Variants in MAJIN observed in about 807,000 individuals in gnomAD.
MAJIN encodes the protein membrane-anchored junction protein.
A neutral mutation model predicts 30.2 loss-of-function variants in MAJIN; 27 were observed. The observed-to-expected ratio is 0.89, with a 90% CI of 0.66 to 1.23. The LOEUF (loss-of-function observed/expected upper bound fraction) is 1.23, where lower values mean the gene tolerates loss of function less well. Among genes scored for constraint, MAJIN ranks in the 50% most tolerant of loss-of-function variants. MAJIN has a pLI of 0.00. For synonymous variants in MAJIN, 78 were observed against 91.6 expected, an observed-to-expected ratio of 0.85 and a Z score of 0.85; for missense variants, 253 against 260.3, an observed-to-expected ratio of 0.97 and a Z score of 0.19.
intron 8 of MAJIN, chr11:64,946,004 C>G: frequency 7.6e-7 from 1 of 1,316,572 alleles, no homozygotes; most frequent in Non-Finnish European, 1.0e-6. Context: ...GTGCTGGTAA[C>G]CGGAATCCTG....
At chr11:64,954,529 C>T (rs1407485385) in intron 4 of MAJIN, 3 of 637,708 alleles carry the variant, frequency 4.7e-6, no homozygotes, top group Non-Finnish European at 8.6e-6. Flanking sequence ...AAACAAAAAG[C>T]TCTCAGCCTC....
chr11:64,950,610 C>T (rs1945537720), intron 4 of MAJIN, among the ~76,000 whole-genome samples, 180 bp from the exon 5 acceptor site: 1 of 151,948 alleles, frequency 6.6e-6, no homozygotes, highest in South Asian at 2.1e-4. Context: ...TTGAGAGAGT[C>T]GTGCTTTGTG....
chr11:64,948,642 T>C (rs1470376790), intron 6 of MAJIN, among the ~76,000 whole-genome samples: 17 of 16,288 alleles, frequency 1.0e-3, no homozygotes, highest in African/African-American at 4.6e-3. Flanking sequence ...TATATATATT[T>C]TTTTTTTTTT....
chr11:64,949,893 G>A (rs772725014), intron 5 of MAJIN, 25 bp from the exon 6 acceptor site: 3 of 1,599,212 alleles, frequency 1.9e-6, no homozygotes, highest in Admixed American at 3.3e-5. Flanking sequence ...TAAGGAGTAA[G>A]GAAAGATGCC....
At chr11:64,963,575 C>T (rs933671402) in intron 1 of MAJIN, among the ~76,000 whole-genome samples, 38 of 152,284 alleles carry the variant, frequency 2.5e-4, no homozygotes, top group African/African-American at 8.7e-4. Context: ...CAGTGGCTCA[C>T]GACTGTAATC....
intron 8 of MAJIN, among the ~76,000 whole-genome samples, 189 bp from the exon 9 acceptor site, chr11:64,940,835 CTTTTTTTT>C (rs1168979344): frequency 6.8e-5 from 6 of 88,564 alleles, no homozygotes; most frequent in African/African-American, 2.9e-4. Context: ...TTTTTTCTTT[CTTTTTTTT>C]TTTTTTTTTT....
At chr11:64,961,100 T>C (rs1226660321) in intron 1 of MAJIN, among the ~76,000 whole-genome samples, 1 of 152,152 alleles carries the variant, frequency 6.6e-6, no homozygotes, top group African/African-American at 2.4e-5. Context: ...TGAGCCCACC[T>C]GGTTAGACTT....
At chr11:64,954,724 A>C (rs1249893694) in intron 4 of MAJIN, 33 bp downstream of exon 4, 2 of 1,606,248 alleles carry the variant, frequency 1.2e-6, no homozygotes, top group Non-Finnish European at 1.7e-6. Flanking sequence ...TTAAAGAGTA[A>C]CTTTTCCAGA....
chr11:64,938,561 C>G lies in MAJIN; in HGVS notation c.*14G>C, dbSNP rs551760263. The G allele has an allele frequency of 6.5e-7, 1 of 1,535,754 alleles. No homozygotes were observed. Among genetic ancestry groups the G allele is most frequent in the African/African-American group, 1.4e-5 (1 of 73,110 alleles). ...TGCTCTTCCTGAAGAAATATCGAAA[C>G]GGGAAGAGAGAGCTGCAAGAATGAG... is the stretch of plus-strand genomic sequence containing the variant. On this transcript the variant is annotated 3_prime_UTR_variant, in exon 11 of 11. Transcript: ENST00000301896.
chr11:64,944,385 G>T (rs1357674847), intron 8 of MAJIN, among the ~76,000 whole-genome samples: 1 of 152,160 alleles, frequency 6.6e-6, no homozygotes, highest in Non-Finnish European at 1.5e-5. Context: ...ATCAGTAATT[G>T]TCTGCCTAAC....
chr11:64,940,644 A>G lies in MAJIN; in HGVS notation c.476T>C (p.Ile159Thr), dbSNP rs1237238972. The change falls in exon 9 of 11, where the codon ATA becomes ACA. Residue 159 changes from isoleucine to threonine, a missense_variant and splice_region_variant. Transcript: ENST00000301896. ...ATCCTTGTTGGGTTTTTCTTTCCCT[A>G]TTCTGTTAAAAAGAAGACCAAGAAA... Reference protein sequence around the residue: ...SSPSRPGLDRIGKEKPNKDCR... With the variant: ...SSPSRPGLDRTGKEKPNKDCR... 1.9e-6 allele frequency: 3 copies of G among 1,613,586 alleles called. No homozygotes were observed. Among genetic ancestry groups the G allele is most frequent in the African/African-American group, 1.3e-5 (1 of 74,832 alleles).
intron 8 of MAJIN, among the ~76,000 whole-genome samples, chr11:64,944,106 C>T (rs1292960454): frequency 6.6e-6 from 1 of 152,232 alleles, no homozygotes; most frequent in Non-Finnish European, 1.5e-5. Context: ...TGTGTGTGCC[C>T]CAGCACCCAA....
chr11:64,960,049 C>T (rs1945699270), intron 2 of MAJIN, 40 bp downstream of exon 2: 1 of 152,220 alleles, frequency 6.6e-6, no homozygotes, highest in South Asian at 2.1e-4. Context: ...GTGAGGCTTC[C>T]CTGTGTTCCA....
intron 4 of MAJIN, among the ~76,000 whole-genome samples, chr11:64,952,453 G>T (rs1945568202): frequency 6.6e-6 from 1 of 152,148 alleles, no homozygotes; most frequent in African/African-American, 2.4e-5. Context: ...CTCCCAAAGT[G>T]CTGGGATTAC....
At chr11:64,949,590 G>A (rs558675631) in intron 6 of MAJIN, among the ~76,000 whole-genome samples, 153 bp downstream of exon 6, 1 of 152,350 alleles carries the variant, frequency 6.6e-6, no homozygotes, top group Admixed American at 6.5e-5. Flanking sequence ...AGGACCACCA[G>A]TATTTGAACC....
chr11:64,971,972 C>G lies in MAJIN; in HGVS notation c.-160G>C, dbSNP rs1331582430. 1 of 152,224 alleles carries G rather than the reference C, an allele frequency of 6.6e-6. No individual in the cohort carries two copies. Among genetic ancestry groups the G allele is most frequent in the Non-Finnish European group, 1.5e-5 (1 of 68,042 alleles). The allele number at this position is 152,224 out of a possible 1,614,324, so 9.4% of individuals were successfully genotyped here. On this transcript the variant is annotated 5_prime_UTR_variant, in exon 1 of 11. Transcript: ENST00000301896. ...AGAAAAGTGGCCCCGGACGGAATAC[C>G]CACTAAGAAGTGCTCTCTGAAAAAG...
rs1248016679 is a variant in MAJIN, at chr11:64,949,779, C to T, written c.313G>A (p.Val105Met). 5 of 1,612,944 alleles carry T rather than the reference C, an allele frequency of 3.1e-6. No individual in the cohort carries two copies. The South Asian group carries it at 3.3e-5, about 11-fold the overall frequency. ...TTTTCATGGAACCATTTCATCTCCA[C>T]ATATAGAGTAAAAACAAATGGGTAG... ...IPYPFVFTLY[V>M]EMKWFHENLS... Residue 105 changes from valine (V) to methionine (M), a missense_variant, in exon 6 of 11, where the codon GTG becomes ATG. Physicochemically the swap from Val to Met is conservative, Grantham distance 21. Coordinates refer to ENST00000301896, the MANE Select transcript of MAJIN (RefSeq NM_001037225.3).
rs753774551 is a variant in MAJIN, at chr11:64,959,356, T to C, written c.50A>G (p.His17Arg). The change falls in exon 3 of 11, where the codon CAT (histidine) becomes CGT (arginine). Residue 17 changes from histidine (H) to arginine (R), a missense_variant. Transcript: ENST00000301896. ...GAATTTATACACATTGGGTCCTGCA[T>C]GAAGAAACCTCGTCTCTGGAAACGG... is the stretch of plus-strand genomic sequence containing the variant. ...TYPFPETRFL[H>R]AGPNVYKFKI... The C allele has an allele frequency of 2.5e-6, 4 of 1,613,950 alleles. No homozygotes were observed. The South Asian group carries it at 4.4e-5, about 18-fold the overall frequency.
In MAJIN at chr11:64,947,778, G is replaced by A. The variant is rs1435308836; in HGVS notation, c.381+10C>T. 1.2e-6 allele frequency: 2 copies of A among 1,612,344 alleles called. No homozygotes were observed. The highest frequency in any genetic ancestry group is 1.7e-6 in the Non-Finnish European group (2 of 1,178,780). On this transcript the variant is annotated intron_variant, in intron 7 of 10. Coordinates refer to ENST00000301896, the MANE Select transcript of MAJIN (RefSeq NM_001037225.3). ...GCAATTTTCATTTTGTACAGAAAAG[G>A]CAAACTTACCAACCCAAGAGGACTG...
Sources: allele counts gnomAD v4.1 joint callset (sites outside exome capture counted in the v4.1 genomes callset), GRCh38; gene constraint gnomAD v4.1.1; transcripts MANE v1.5; gene names NCBI Gene and HGNC (gene_info 2026-07-23, HGNC 2026-07-21).